Variants in LRRC4C observed in about 807,000 individuals in gnomAD.
The protein encoded by LRRC4C is leucine rich repeat containing 4C, also known as leucine-rich repeat-containing protein 4C.
Under a neutral mutation model 33.6 loss-of-function variants are expected in LRRC4C, and 5 were observed. That is an observed-to-expected ratio of 0.15 (90% CI 0.08 to 0.31). The LOEUF is 0.31. Among genes scored for constraint, LRRC4C ranks in the 10% least tolerant of loss-of-function variants. The probability of loss-of-function intolerance (pLI) is 1.00; values close to 1 mark genes in which losing one functional copy is unlikely to be tolerated. For missense variants in LRRC4C, 560 were observed against 796.7 expected, an observed-to-expected ratio of 0.70 and a Z score of 3.58; for synonymous variants, 329 against 302.0, an observed-to-expected ratio of 1.09 and a Z score of -0.93.
chr11:40,635,842 T>G (rs1963911242), intron 3 of LRRC4C, among the ~76,000 whole-genome samples: 1 of 151,760 alleles, frequency 6.6e-6, no homozygotes, highest in South Asian at 2.1e-4. Flanking sequence ...GGTTTCTCTG[T>G]GTTAGCCAGG....
chr11:40,848,079 A>G (rs1003074369), intron 2 of LRRC4C, among the ~76,000 whole-genome samples: 7 of 151,024 alleles, frequency 4.6e-5, no homozygotes, highest in African/African-American at 1.7e-4. Context: ...TGGTCTATCT[A>G]TCTATCTTTT....
intron 4 of LRRC4C, among the ~76,000 whole-genome samples, chr11:40,243,687 CTTTT>C (rs1274780074): frequency 1.7e-5 from 2 of 117,180 alleles, no homozygotes; most frequent in Non-Finnish European, 1.7e-5. Flanking sequence ...AAACTTATAT[CTTTT>C]TTTTTTTTTT....
intron 2 of LRRC4C, among the ~76,000 whole-genome samples, chr11:40,929,292 A>G (rs1957514695): frequency 6.6e-6 from 1 of 152,212 alleles, no homozygotes; most frequent in Non-Finnish European, 1.5e-5. Flanking sequence ...GGTCTAAAAG[A>G]GTTTAACTTA....
At chr11:40,895,444 A>G (rs1301828038) in intron 2 of LRRC4C, among the ~76,000 whole-genome samples, 1 of 152,158 alleles carries the variant, frequency 6.6e-6, no homozygotes, top group Non-Finnish European at 1.5e-5. Flanking sequence ...AGTACTAAAC[A>G]TCCTATCGCT....
intron 3 of LRRC4C, among the ~76,000 whole-genome samples, chr11:40,468,389 T>C (rs1952758480): frequency 6.6e-6 from 1 of 152,216 alleles, no homozygotes; most frequent in Non-Finnish European, 1.5e-5. Context: ...TAGTATTTTA[T>C]CTAAAAGACA....
At chr11:41,199,772 C>T (rs1946330962) in intron 1 of LRRC4C, among the ~76,000 whole-genome samples, 1 of 152,098 alleles carries the variant, frequency 6.6e-6, no homozygotes, top group Non-Finnish European at 1.5e-5. Context: ...GGAAATTTTA[C>T]ACTAGCTGGA....
intron 1 of LRRC4C, among the ~76,000 whole-genome samples, chr11:41,429,379 C>A (rs1344739827): frequency 6.6e-6 from 1 of 152,044 alleles, no homozygotes; most frequent in Non-Finnish European, 1.5e-5. Flanking sequence ...TCAAACATAT[C>A]CTTTGGTGGT....
intron 3 of LRRC4C, among the ~76,000 whole-genome samples, chr11:40,606,186 C>A (rs1565552761): frequency 6.6e-6 from 1 of 152,118 alleles, no homozygotes; most frequent in Non-Finnish European, 1.5e-5. Flanking sequence ...TGAAGCTTGG[C>A]AAATTCTAGA....
At chr11:40,355,003 C>T (rs986586977) in intron 3 of LRRC4C, among the ~76,000 whole-genome samples, 1 of 152,158 alleles carries the variant, frequency 6.6e-6, no homozygotes, top group South Asian at 2.1e-4. Flanking sequence ...GAAGTACTGT[C>T]TTTGTGCCAC....
intron 3 of LRRC4C, among the ~76,000 whole-genome samples, chr11:40,498,050 T>C (rs1954561567): frequency 6.6e-6 from 1 of 152,226 alleles, no homozygotes; most frequent in Admixed American, 6.5e-5. Flanking sequence ...TACATTTATC[T>C]ACATAATTAA....
intron 1 of LRRC4C, among the ~76,000 whole-genome samples, chr11:41,002,079 C>A (rs1203322834): frequency 6.6e-6 from 1 of 152,076 alleles, no homozygotes; most frequent in Admixed American, 6.6e-5. Flanking sequence ...TGGAGATTTA[C>A]CTTAATTCTT....
intron 1 of LRRC4C, among the ~76,000 whole-genome samples, chr11:41,380,662 C>T (rs1019361584): frequency 6.6e-6 from 1 of 151,944 alleles, no homozygotes; most frequent in Non-Finnish European, 1.5e-5. Flanking sequence ...AAAATGGGAA[C>T]CCATAAAGAA....
chr11:40,794,275 A>G (rs942187923), intron 2 of LRRC4C, among the ~76,000 whole-genome samples: 2 of 151,912 alleles, frequency 1.3e-5, no homozygotes, highest in South Asian at 2.1e-4. Context: ...AACAAACGAG[A>G]AAGTCTGGGC....
intron 2 of LRRC4C, among the ~76,000 whole-genome samples, chr11:40,775,850 T>G (rs1274786019): frequency 6.6e-6 from 1 of 152,216 alleles, no homozygotes; most frequent in Non-Finnish European, 1.5e-5. Context: ...TATTATCTTG[T>G]ACCCATTCTT....
intron 1 of LRRC4C, among the ~76,000 whole-genome samples, chr11:41,058,969 CT>C (rs1858845975): frequency 6.6e-6 from 1 of 152,154 alleles, no homozygotes; most frequent in South Asian, 2.1e-4. Context: ...AAACCAAATA[CT>C]GCATGTTCTC....
At chr11:40,499,052 G>T (rs1954612394) in intron 3 of LRRC4C, among the ~76,000 whole-genome samples, 1 of 152,150 alleles carries the variant, frequency 6.6e-6, no homozygotes, top group Admixed American at 6.6e-5. Context: ...AAGTTTAGAA[G>T]TAGTCTGCCC....
intron 2 of LRRC4C, among the ~76,000 whole-genome samples, chr11:40,711,289 G>A (rs953072519): frequency 6.6e-6 from 1 of 152,154 alleles, no homozygotes; most frequent in Non-Finnish European, 1.5e-5. Context: ...CACACTGGGA[G>A]CTGCAGATGG....
intron 2 of LRRC4C, among the ~76,000 whole-genome samples, chr11:40,822,087 C>T (rs1951951942): frequency 6.6e-6 from 1 of 151,604 alleles, no homozygotes; most frequent in Non-Finnish European, 1.5e-5. Flanking sequence ...CCCTACTGTG[C>T]TATTGAACAC....
intron 5 of LRRC4C, among the ~76,000 whole-genome samples, chr11:40,158,324 C>T (rs551417751): frequency 6.6e-6 from 1 of 151,848 alleles, no homozygotes; most frequent in Non-Finnish European, 1.5e-5. Flanking sequence ...GTATACTGCT[C>T]AAGTGATGGG....
Sources: gnomAD v4.1 joint callset for allele counts (sites outside exome capture counted in the v4.1 genomes callset) on GRCh38, gnomAD v4.1.1 for gene constraint, MANE v1.5 for transcripts, NCBI Gene and HGNC (gene_info 2026-07-23, HGNC 2026-07-21) for gene names.